The following INSYN2A variants were observed in gnomAD, a reference collection of about 807,000 sequenced individuals.
The protein encoded by INSYN2A is family with sequence similarity 196 member A.
In INSYN2A, 17 loss-of-function variants were observed where a neutral mutation model predicts 39.4. That is an observed-to-expected ratio of 0.43 (90% CI 0.30 to 0.65). INSYN2A has a LOEUF of 0.65. Ranked by LOEUF, INSYN2A falls within the 30% of genes least tolerant of loss-of-function variation. The pLI is 0.14. For synonymous variants in INSYN2A, 255 were observed against 265.7 expected, an observed-to-expected ratio of 0.96 and a Z score of 0.39; for missense variants, 595 against 631.2, an observed-to-expected ratio of 0.94 and a Z score of 0.61.
Position 127,136,778 on chromosome 10 carries a change from C to T in INSYN2A, c.*1059G>A, listed in dbSNP as rs1414694123. ...ATAGGTTAAATGTAGGCGACATTGT[C>T]CCTTGGTAGCAGCTAAACTAAACGC... On this transcript the variant is annotated 3_prime_UTR_variant, in exon 6 of 6. Coordinates refer to ENST00000522781, the MANE Select transcript of INSYN2A (RefSeq NM_001039762.3). 6.6e-6 allele frequency: 1 copy of T among 152,602 alleles called. No homozygotes were observed. The highest frequency in any genetic ancestry group is 2.4e-5 in the African/African-American group (1 of 41,428). 9.5% of individuals were successfully genotyped at this position (152,602 alleles called of 1,614,324 possible).
Position 127,196,591 on chromosome 10 carries a change from C to A in INSYN2A, c.-989G>T, listed in dbSNP as rs1589894236. ...GCTGGCACCGAGGCGGGCGGAGCCC[C>A]GGGCCCCGCGGGGCGGAGGTGGGGC... On this transcript the variant is annotated 5_prime_UTR_variant, in exon 1 of 6. Transcript: ENST00000522781. 8.2e-6 allele frequency among the ~76,000 whole-genome samples: 1 copy of A among 122,454 alleles called. No individual in the cohort carries two copies. The highest frequency in any genetic ancestry group is 2.8e-4 in the South Asian group (1 of 3,574). The allele number at this position is 122,454 out of a possible 152,430, so 80.3% of individuals were successfully genotyped here. A position where few individuals can be genotyped will look rare whatever the true frequency, so the allele number is the denominator to read the frequency against.
intron 2 of INSYN2A, among the ~76,000 whole-genome samples, chr10:127,183,182 A>G (rs935823106): frequency 1.3e-5 from 2 of 151,678 alleles, no homozygotes; most frequent in Non-Finnish European, 2.9e-5. Flanking sequence ...GACTTATATC[A>G]AAGGAGTCTG....
At chr10:127,143,295 T>C (rs886996385) in intron 5 of INSYN2A, among the ~76,000 whole-genome samples, 5 of 152,196 alleles carry the variant, frequency 3.3e-5, no homozygotes, top group Non-Finnish European at 5.9e-5. Context: ...TTGGGGTCTC[T>C]AGCCTCGACA....
rs2050765488 is a variant in INSYN2A at position 127,137,089 on chromosome 10, AC to A, written c.*747del. 6.6e-6 allele frequency: 1 copy of A among 152,566 alleles called. No homozygotes were observed. Among genetic ancestry groups the A allele is most frequent in the Admixed American group, 6.5e-5 (1 of 15,274 alleles). The allele number at this position is 152,566 out of a possible 1,614,324, so 9.5% of individuals were successfully genotyped here. ...GAAAACTTAGTGTCCAATAGCTCTG[AC>A]CCTGTCTACTTGCAGTGATTAAAGG... On this transcript the variant is annotated 3_prime_UTR_variant, in exon 6 of 6. Coordinates refer to ENST00000522781, the MANE Select transcript of INSYN2A (RefSeq NM_001039762.3).
chr10:127,148,373 C>T (rs1303174008), intron 5 of INSYN2A, among the ~76,000 whole-genome samples: 1 of 152,216 alleles, frequency 6.6e-6, no homozygotes, highest in Non-Finnish European at 1.5e-5. Flanking sequence ...ATTCTAAATT[C>T]TGGGAGAGAT....
At position 127,162,715 on chromosome 10, in the gene INSYN2A, C is replaced by T. The variant is rs188201171; in HGVS notation, c.1185-8792G>A. On this transcript the variant is annotated intron_variant, in intron 4 of 5. Coordinates refer to ENST00000522781, the MANE Select transcript of INSYN2A (RefSeq NM_001039762.3). ...AGTTATTTCTACTTAGTGTTCTAAT[C>T]ATAGACCTTAATGGACTTTGCTACA... is the stretch of plus-strand genomic sequence containing the variant. Among the ~76,000 whole-genome samples the T allele has an allele frequency of 1.9e-3, 294 of 152,270 alleles. 1 individual carries two copies. Among genetic ancestry groups the T allele is most frequent in the African/African-American group, 6.5e-3 (269 of 41,556 alleles).
Position 127,136,930 on chromosome 10 carries a change from C to G in INSYN2A, c.*907G>C, listed in dbSNP as rs1320472721. 2 of 152,628 alleles carry G rather than the reference C, an allele frequency of 1.3e-5. No homozygotes were observed. The highest frequency in any genetic ancestry group is 6.5e-5 in the Admixed American group (1 of 15,288). 9.5% of individuals were successfully genotyped at this position (152,628 alleles called of 1,614,324 possible). On this transcript the variant is annotated 3_prime_UTR_variant, in exon 6 of 6. Transcript: ENST00000522781. ...GAGGATCGATCCACAAAAACACTGT[C>G]TGCCATGGCACAGAATGCCTGTGAT...
At chr10:127,173,575 C>T (rs2054784322) in intron 4 of INSYN2A, among the ~76,000 whole-genome samples, 1 of 152,178 alleles carries the variant, frequency 6.6e-6, no homozygotes, top group Admixed American at 6.5e-5. Flanking sequence ...TTTCATTTTA[C>T]ACCATTTGGT....
At chr10:127,196,589 CCCG>C (rs1334954770) in exon 1 of INSYN2A, among the ~76,000 whole-genome samples, 1 of 146,254 alleles carries the variant, frequency 6.8e-6, no homozygotes, top group Admixed American at 6.8e-5. Flanking sequence ...CGGGCGGAGC[CCCG>C]GGCCCCGCGG....
chr10:127,154,199 G>T (rs1355537180), intron 4 of INSYN2A, among the ~76,000 whole-genome samples: 1 of 152,250 alleles, frequency 6.6e-6, no homozygotes, highest in African/African-American at 2.4e-5. Flanking sequence ...CACAGGGAAT[G>T]TGGGATGTTT....
chr10:127,152,161 A>G (rs952985667), intron 5 of INSYN2A, among the ~76,000 whole-genome samples: 7 of 152,164 alleles, frequency 4.6e-5, no homozygotes, highest in African/African-American at 1.7e-4. Flanking sequence ...AAACTAACAG[A>G]AGCTGAACTC....
chr10:127,140,027 C>T (rs562665954), intron 5 of INSYN2A, among the ~76,000 whole-genome samples: 5 of 152,256 alleles, frequency 3.3e-5, no homozygotes, highest in East Asian at 1.9e-4. Flanking sequence ...GGTATAGAAG[C>T]GTAATTCTAC....
rs1461166896 is a variant in INSYN2A, at chr10:127,176,734, A to G, written c.-6+143T>C. 9.4e-6 allele frequency: 2 copies of G among 213,122 alleles called. No individual in the cohort carries two copies. 13.2% of individuals were successfully genotyped at this position (213,122 alleles called of 1,614,324 possible). A position where few individuals can be genotyped will look rare whatever the true frequency, so the allele number is the denominator to read the frequency against. On this transcript the variant is annotated intron_variant, in intron 3 of 5. Coordinates refer to ENST00000522781, the MANE Select transcript of INSYN2A (RefSeq NM_001039762.3). This position sits in a 1 kb window ranked among gnomAD's most constrained non-coding sequence, Gnocchi z 4.4. Reference sequence around the variant, plus strand: ...TGCTGCCTCTTCTGCTTTGCAAATTATCTTTTCACACGCGTGACTCCCCTT... The same window carrying G: ...TGCTGCCTCTTCTGCTTTGCAAATTGTCTTTTCACACGCGTGACTCCCCTT...
Position 127,190,693 on chromosome 10 carries a change from G to A in INSYN2A, c.-269+1912C>T, listed in dbSNP as rs552996633. Among the ~76,000 whole-genome samples, 318 of 80,112 alleles carry A rather than the reference G, an allele frequency of 4.0e-3. 9 individuals are homozygous for A. The highest frequency in any genetic ancestry group is 0.012 in the Admixed American group (71 of 6,084). 52.6% of individuals were successfully genotyped at this position (80,112 alleles called of 152,430 possible). A position where few individuals can be genotyped will look rare whatever the true frequency, so the allele number is the denominator to read the frequency against. On this transcript the variant is annotated intron_variant, in intron 2 of 5. Coordinates refer to ENST00000522781, the MANE Select transcript of INSYN2A (RefSeq NM_001039762.3). ...CCCCCCCCCCCCCCCCGTTCCTGCTGGCTCCCAGATTTCTGTTGCCATTAA... is the reference window on the plus strand; with the variant it reads ...CCCCCCCCCCCCCCCCGTTCCTGCTAGCTCCCAGATTTCTGTTGCCATTAA...
intron 2 of INSYN2A, among the ~76,000 whole-genome samples, chr10:127,179,481 A>G (rs1390465743): frequency 6.6e-6 from 1 of 152,234 alleles, no homozygotes; most frequent in Non-Finnish European, 1.5e-5. Context: ...GAAAACACCA[A>G]GGAATTTTTG....
At chr10:127,160,108 A>C (rs2053463291) in intron 4 of INSYN2A, among the ~76,000 whole-genome samples, 1 of 151,358 alleles carries the variant, frequency 6.6e-6, no homozygotes, top group Non-Finnish European at 1.5e-5. Context: ...ATAACAAAAC[A>C]TGAATTGTTT....
At position 127,163,443 on chromosome 10, in the gene INSYN2A, C is replaced by T. The variant is rs540095920; in HGVS notation, c.1185-9520G>A. ...GTGGGCAGAGGTTTTTGTCTGTTCC[C>T]GGGCGGGCAAACTTTCAGTGCCCAC... is the stretch of plus-strand genomic sequence containing the variant. On this transcript the variant is annotated intron_variant, in intron 4 of 5. Coordinates refer to ENST00000522781, the MANE Select transcript of INSYN2A (RefSeq NM_001039762.3). Among the ~76,000 whole-genome samples the T allele has an allele frequency of 5.9e-5, 9 of 152,202 alleles. No individual in the cohort carries two copies. The South Asian group carries it at 6.2e-4, about 11-fold the overall frequency.
At chr10:127,163,972 AG>A (rs1589718293) in intron 4 of INSYN2A, among the ~76,000 whole-genome samples, 1 of 151,846 alleles carries the variant, frequency 6.6e-6, no homozygotes, top group East Asian at 1.9e-4. Flanking sequence ...TCTGGCTGTT[AG>A]GGAAGTTTTA....
intron 1 of INSYN2A, among the ~76,000 whole-genome samples, chr10:127,194,641 C>G (rs867733086): frequency 6.6e-6 from 1 of 152,092 alleles, no homozygotes; most frequent in South Asian, 2.1e-4. Context: ...CATCAAGTAC[C>G]CAGCCAGCGC....
Sources: allele counts gnomAD v4.1 joint callset (sites outside exome capture counted in the v4.1 genomes callset), GRCh38; gene constraint gnomAD v4.1.1; non-coding constraint Gnocchi (gnomAD v3.1); transcripts MANE v1.5; gene names NCBI Gene and HGNC (gene_info 2026-07-23, HGNC 2026-07-21).